ROBO2: variants seen among roughly 807,000 people sequenced by gnomAD.
ROBO2 encodes roundabout guidance receptor 2, also known as roundabout homolog 2.
Under a neutral mutation model 160.8 loss-of-function variants are expected in ROBO2, and 53 were observed. The ratio of observed to expected loss-of-function variants is 0.33; its 90% CI spans 0.26 to 0.41. The LOEUF (loss-of-function observed/expected upper bound fraction) is 0.41. Ranked by LOEUF, ROBO2 falls within the 10% of genes least tolerant of loss-of-function variation. The pLI is 1.00. For missense variants in ROBO2, 1,577 were observed against 1,722.4 expected (o/e 0.92, Z 1.49); for synonymous variants, 664 against 611.7 (o/e 1.09, Z -1.26).
At chr3:76,663,523 C>G (rs2091907632) in intron 2 of ROBO2, among the ~76,000 whole-genome samples, 1 of 152,140 alleles carries the variant, frequency 6.6e-6, no homozygotes, top group Admixed American at 6.5e-5. Flanking sequence ...GTCTGTTGTG[C>G]TCCTGCCTTT....
At chr3:77,130,277 G>A (rs541174739) in intron 2 of ROBO2, among the ~76,000 whole-genome samples, 34 of 152,242 alleles carry the variant, frequency 2.2e-4, no homozygotes, top group African/African-American at 7.5e-4. Context: ...CTGTACGTTC[G>A]TTAGCAGTTC....
At chr3:76,937,256 C>T (rs566131730) in intron 2 of ROBO2, among the ~76,000 whole-genome samples, 16 of 152,098 alleles carry the variant, frequency 1.1e-4, no homozygotes, top group Non-Finnish European at 1.5e-4. Context: ...AAATGTCTAC[C>T]TTACATGTGC....
At chr3:76,540,151 A>G (rs1485817196) in intron 2 of ROBO2, among the ~76,000 whole-genome samples, 1 of 152,194 alleles carries the variant, frequency 6.6e-6, no homozygotes, top group Non-Finnish European at 1.5e-5. Flanking sequence ...ACAAAACTCC[A>G]GTGAAATGTC....
intron 2 of ROBO2, among the ~76,000 whole-genome samples, chr3:76,143,034 A>C (rs555659140): frequency 6.6e-6 from 1 of 152,010 alleles, no homozygotes; most frequent in South Asian, 2.1e-4. Flanking sequence ...TTATGTATGT[A>C]GGTATTTGAG....
At chr3:76,388,769 C>T (rs2108622901) in intron 2 of ROBO2, among the ~76,000 whole-genome samples, 1 of 152,062 alleles carries the variant, frequency 6.6e-6, no homozygotes, top group South Asian at 2.1e-4. Context: ...ATGCGTCTTT[C>T]CATCATCCAT....
intron 2 of ROBO2, among the ~76,000 whole-genome samples, chr3:76,916,918 G>A (rs933368473): frequency 4.6e-5 from 7 of 151,928 alleles, no homozygotes; most frequent in African/African-American, 1.2e-4. Flanking sequence ...CAAAACACTC[G>A]TCCATTTGAG....
At chr3:76,804,399 C>T (rs139239487) in intron 2 of ROBO2, among the ~76,000 whole-genome samples, 81 of 152,228 alleles carry the variant, frequency 5.3e-4, no homozygotes, top group African/African-American at 1.9e-3. Flanking sequence ...GAGTGTGATT[C>T]GTAGCAGTCG....
At chr3:76,227,594 C>CTA (rs1305139618) in intron 2 of ROBO2, among the ~76,000 whole-genome samples, 1 of 152,038 alleles carries the variant, frequency 6.6e-6, no homozygotes, top group African/African-American at 2.4e-5. Context: ...ATTTTTAAAA[C>CTA]TATATGTTTC....
intron 2 of ROBO2, among the ~76,000 whole-genome samples, chr3:77,131,582 A>G (rs1458654475): frequency 6.6e-6 from 1 of 152,194 alleles, no homozygotes; most frequent in African/African-American, 2.4e-5. Context: ...TGCCAGTAAC[A>G]TAAGGGGAAA....
chr3:76,605,176 G>C (rs955941814), intron 2 of ROBO2, among the ~76,000 whole-genome samples: 2 of 152,090 alleles, frequency 1.3e-5, no homozygotes, highest in African/African-American at 4.8e-5. Context: ...TCCATTAGTA[G>C]AGATAATCTT....
intron 9 of ROBO2, among the ~76,000 whole-genome samples, chr3:77,559,356 A>G (rs962765174): frequency 2.0e-5 from 3 of 152,130 alleles, no homozygotes; most frequent in Admixed American, 6.6e-5. Context: ...AACTCATTCA[A>G]CTAGGTATGG....
At chr3:76,021,535 G>A (rs1196562749) in intron 2 of ROBO2, among the ~76,000 whole-genome samples, 2 of 151,726 alleles carry the variant, frequency 1.3e-5, no homozygotes, top group African/African-American at 4.8e-5. Context: ...GTACCTTGGA[G>A]ATATTGCAGA....
intron 2 of ROBO2, among the ~76,000 whole-genome samples, chr3:76,146,889 A>ACATACACAC (rs2071926388): frequency 6.7e-6 from 1 of 148,344 alleles, no homozygotes; most frequent in Non-Finnish European, 1.5e-5. Flanking sequence ...CACACACACA[A>ACATACACAC]ACACACACAC....
intron 8 of ROBO2, among the ~76,000 whole-genome samples, chr3:77,551,797 C>A (rs187641245): frequency 6.7e-4 from 102 of 152,084 alleles, no homozygotes; most frequent in Admixed American, 6.6e-4. Flanking sequence ...TCTTCTTGAT[C>A]CCCTTCTTTC....
intron 2 of ROBO2, among the ~76,000 whole-genome samples, chr3:76,144,853 C>T (rs952158057): frequency 2.0e-5 from 3 of 151,908 alleles, no homozygotes; most frequent in African/African-American, 4.8e-5. Context: ...AAGAAACTCT[C>T]ATTGCCCACC....
intron 2 of ROBO2, among the ~76,000 whole-genome samples, chr3:77,020,972 A>G (rs574866985): frequency 2.0e-4 from 31 of 152,266 alleles, no homozygotes; most frequent in African/African-American, 7.5e-4. Flanking sequence ...TGGTAGGCTA[A>G]GGTGGAAGGG....
intron 2 of ROBO2, among the ~76,000 whole-genome samples, chr3:77,187,197 G>A (rs2081364476): frequency 6.6e-6 from 1 of 151,962 alleles, no homozygotes; most frequent in Non-Finnish European, 1.5e-5. Flanking sequence ...TAGGTTAGAA[G>A]AATATGAAAT....
intron 2 of ROBO2, among the ~76,000 whole-genome samples, chr3:76,615,624 A>G (rs2088522024): frequency 6.6e-6 from 1 of 152,180 alleles, no homozygotes. Flanking sequence ...GCCAAAAAAT[A>G]ATTTTTGGAA....
chr3:77,531,171 C>T (rs2091696852), intron 6 of ROBO2, among the ~76,000 whole-genome samples: 1 of 151,944 alleles, frequency 6.6e-6, no homozygotes, highest in African/African-American at 2.4e-5. Context: ...TCACGTGAAA[C>T]TTGTTTAAAA....
Sources: gnomAD v4.1 joint callset for allele counts (sites outside exome capture counted in the v4.1 genomes callset) on GRCh38, gnomAD v4.1.1 for gene constraint, MANE v1.5 for transcripts, NCBI Gene and HGNC (gene_info 2026-07-23, HGNC 2026-07-21) for gene names.